GALNTL6: variants seen among roughly 807,000 people sequenced by gnomAD.
The protein encoded by GALNTL6 is polypeptide N-acetylgalactosaminyltransferase-like 6.
Under a neutral mutation model 73.7 loss-of-function variants are expected in GALNTL6, and 46 were observed. That is an observed-to-expected ratio of 0.62 (90% CI 0.49 to 0.80). GALNTL6 has a LOEUF of 0.80. GALNTL6 is among the 30% of genes least tolerant of loss of function. The pLI is 0.00. For missense variants in GALNTL6, 604 were observed against 755.0 expected (o/e 0.80, Z 2.34); for synonymous variants, 259 against 263.7 (o/e 0.98, Z 0.17).
At chr4:172,043,127 G>A (rs935759583) in intron 2 of GALNTL6, among the ~76,000 whole-genome samples, 2 of 151,790 alleles carry the variant, frequency 1.3e-5, no homozygotes, top group African/African-American at 2.4e-5. Flanking sequence ...TTCCTTCTGC[G>A]CACACTCTCA....
chr4:172,239,843 G>A (rs1737360035), intron 3 of GALNTL6, among the ~76,000 whole-genome samples: 2 of 152,154 alleles, frequency 1.3e-5, no homozygotes, highest in South Asian at 2.1e-4. Flanking sequence ...TATCTGTTAA[G>A]TCCATTTGAT....
In GALNTL6 at chr4:171,951,104, A is replaced by C. The variant is rs147311529; in HGVS notation, c.138+136386A>C. The stretch of plus-strand genomic sequence containing the variant: ...AGGAACAGATTGTCATATTAGACTT[A>C]AAAACATTCCAGGTGTGTGTTGTAT... On this transcript the variant is annotated intron_variant, in intron 2 of 12. Transcript: ENST00000506823. 4.1e-3 allele frequency among the ~76,000 whole-genome samples: 619 copies of C among 152,258 alleles called. 2 individuals are homozygous for C. The highest frequency in any genetic ancestry group is 4.5e-3 in the Non-Finnish European group (305 of 68,002).
intron 3 of GALNTL6, among the ~76,000 whole-genome samples, chr4:172,242,309 ATG>A (rs751253940): frequency 1.3e-5 from 2 of 151,466 alleles, no homozygotes; most frequent in East Asian, 1.9e-4. Context: ...CCATTCAGAG[ATG>A]TGTGTGTGTG....
chr4:172,396,541 T>C lies in GALNTL6; in HGVS notation c.553+47852T>C, dbSNP rs72704814. The stretch of plus-strand genomic sequence containing the variant: ...TTCTGAAAATAAGAGATGTTTTCCA[T>C]TCAGTGCCCAAACTCAGTGATATTT... On this transcript the variant is annotated intron_variant, in intron 5 of 12. Transcript: ENST00000506823. Among the ~76,000 whole-genome samples the C allele has an allele frequency of 4.7e-3, 711 of 152,254 alleles. 2 individuals are homozygous for C. Among genetic ancestry groups the C allele is most frequent in the Non-Finnish European group, 7.6e-3 (519 of 68,010 alleles).
intron 5 of GALNTL6, among the ~76,000 whole-genome samples, chr4:172,487,346 C>CCTTCT (rs1733724140): frequency 2.4e-5 from 3 of 126,368 alleles, no homozygotes; most frequent in African/African-American, 2.9e-5. Context: ...TTCTTTCTTT[C>CCTTCT]TTTCTTTCTT....
chr4:172,254,207 C>A (rs747153307), intron 3 of GALNTL6, among the ~76,000 whole-genome samples: 1 of 151,768 alleles, frequency 6.6e-6, no homozygotes, highest in African/African-American at 2.4e-5. Context: ...TAATGAGGAA[C>A]CTTTCATTTG....
chr4:172,034,102 A>G (rs1369971429), intron 2 of GALNTL6, among the ~76,000 whole-genome samples: 1 of 152,120 alleles, frequency 6.6e-6, no homozygotes, highest in Non-Finnish European at 1.5e-5. Flanking sequence ...CTAACAAGGC[A>G]TAATTCTTTT....
intron 2 of GALNTL6, among the ~76,000 whole-genome samples, chr4:171,996,430 G>A (rs1425600499): frequency 6.6e-6 from 1 of 151,838 alleles, no homozygotes; most frequent in Non-Finnish European, 1.5e-5. Flanking sequence ...CCTAAGTTAT[G>A]TCAATACCTC....
intron 5 of GALNTL6, among the ~76,000 whole-genome samples, chr4:172,794,006 C>T (rs546776267): frequency 6.6e-6 from 1 of 152,202 alleles, no homozygotes; most frequent in Admixed American, 6.5e-5. Flanking sequence ...GACTTCTATT[C>T]CTTCTGCCTG....
intron 2 of GALNTL6, among the ~76,000 whole-genome samples, chr4:172,190,103 G>A (rs1735529784): frequency 6.6e-6 from 1 of 152,112 alleles, no homozygotes; most frequent in East Asian, 1.9e-4. Flanking sequence ...ATACAAGTAA[G>A]AAAAGGGAGG....
intron 7 of GALNTL6, among the ~76,000 whole-genome samples, chr4:172,823,113 C>A (rs1024371683): frequency 1.7e-4 from 26 of 152,266 alleles, no homozygotes; most frequent in African/African-American, 5.8e-4. Context: ...TGAAGTTCAG[C>A]AATATTGACT....
intron 2 of GALNTL6, among the ~76,000 whole-genome samples, chr4:171,896,244 C>A (rs1281231328): frequency 3.9e-5 from 6 of 152,046 alleles, no homozygotes; most frequent in African/African-American, 1.4e-4. Flanking sequence ...TTATTTTATT[C>A]TTTCCTTAAT....
rs569750471 is a variant in GALNTL6, at chr4:172,061,827, C to T, written c.139-167829C>T. 3.9e-5 allele frequency among the ~76,000 whole-genome samples: 6 copies of T among 152,106 alleles called. No individual in the cohort carries two copies. In the East Asian group the frequency reaches 5.8e-4, roughly 15 times the overall value. ...TGCTTCCAAATGCATCCACCCTGAA[C>T]GTTCTCAAAACTCACCATCTCTTAA... On this transcript the variant is annotated intron_variant, in intron 2 of 12. Coordinates refer to ENST00000506823, the MANE Select transcript of GALNTL6 (RefSeq NM_001034845.3).
At chr4:172,362,163 T>C (rs945476615) in intron 5 of GALNTL6, among the ~76,000 whole-genome samples, 3 of 152,098 alleles carry the variant, frequency 2.0e-5, no homozygotes, top group African/African-American at 4.8e-5. Flanking sequence ...AAGAACCTCC[T>C]TTTATACCTT....
At chr4:172,424,337 A>T (rs756668722) in intron 5 of GALNTL6, among the ~76,000 whole-genome samples, 4 of 151,984 alleles carry the variant, frequency 2.6e-5, no homozygotes, top group Non-Finnish European at 5.9e-5. Flanking sequence ...TGACAAATGG[A>T]TTGATTGATG....
intron 7 of GALNTL6, among the ~76,000 whole-genome samples, chr4:172,869,159 G>C (rs1276476192): frequency 6.6e-6 from 1 of 152,162 alleles, no homozygotes; most frequent in Non-Finnish European, 1.5e-5. Context: ...TAAGAAAATT[G>C]TATTCAGTCA....
intron 2 of GALNTL6, among the ~76,000 whole-genome samples, chr4:172,067,417 A>C (rs2110893671): frequency 6.6e-6 from 1 of 151,936 alleles, no homozygotes; most frequent in Admixed American, 6.6e-5. Flanking sequence ...TCAGAGAGTC[A>C]TTGCAAACGA....
chr4:171,856,348 C>G (rs1735692587), intron 2 of GALNTL6, among the ~76,000 whole-genome samples: 1 of 151,758 alleles, frequency 6.6e-6, no homozygotes, highest in Admixed American at 6.6e-5. Flanking sequence ...CTCCTGACCT[C>G]AGGGCATCCA....
At chr4:172,264,921 C>G (rs1467848472) in intron 3 of GALNTL6, among the ~76,000 whole-genome samples, 1 of 151,054 alleles carries the variant, frequency 6.6e-6, no homozygotes, top group Non-Finnish European at 1.5e-5. Flanking sequence ...AGTGCAACCA[C>G]AAAAGAGATG....
Sources: gnomAD v4.1 joint callset for allele counts (sites outside exome capture counted in the v4.1 genomes callset) on GRCh38, gnomAD v4.1.1 for gene constraint, MANE v1.5 for transcripts, NCBI Gene and HGNC (gene_info 2026-07-23, HGNC 2026-07-21) for gene names.